The following DCC variants were observed in gnomAD, a reference collection of about 807,000 sequenced individuals.
The protein encoded by DCC is DCC netrin 1 receptor, also known as netrin receptor DCC.
DCC carries 58 observed loss-of-function variants against 172.5 expected under a neutral mutation model. That is an observed-to-expected ratio of 0.34 (90% CI 0.27 to 0.42). The LOEUF (loss-of-function observed/expected upper bound fraction) is 0.42. Ranked by LOEUF, DCC falls within the 10% of genes least tolerant of loss-of-function variation. DCC has a pLI of 1.00. For missense variants in DCC, 1,740 were observed against 1,791.0 expected (o/e 0.97, Z 0.51); for synonymous variants, 709 against 644.5 (o/e 1.10, Z -1.52).
chr18:53,470,570 C>CT (rs1335127263), intron 25 of DCC, among the ~76,000 whole-genome samples: 1 of 152,128 alleles, frequency 6.6e-6, no homozygotes, highest in African/African-American at 2.4e-5. Context: ...TTTCACACTG[C>CT]TATAAAGATA....
chr18:53,067,144 A>T (rs1009404886), intron 7 of DCC, among the ~76,000 whole-genome samples: 1 of 152,148 alleles, frequency 6.6e-6, no homozygotes, highest in Non-Finnish European at 1.5e-5. Context: ...ATCTTGAAAA[A>T]TTACTCTTTT....
At chr18:52,485,932 A>C (rs2030196862) in intron 1 of DCC, among the ~76,000 whole-genome samples, 1 of 152,136 alleles carries the variant, frequency 6.6e-6, no homozygotes, top group Non-Finnish European at 1.5e-5. Flanking sequence ...TAAAAAAAGC[A>C]TGCAGAAAAG....
At chr18:53,507,892 C>CTTT (rs780896758) in intron 27 of DCC, among the ~76,000 whole-genome samples, 8 of 130,990 alleles carry the variant, frequency 6.1e-5, no homozygotes, top group South Asian at 2.4e-4. Context: ...ACAGATACCA[C>CTTT]TTTTTTTTTT....
intron 19 of DCC, among the ~76,000 whole-genome samples, chr18:53,405,093 G>A (rs952179070): frequency 2.0e-5 from 3 of 150,262 alleles, no homozygotes; most frequent in East Asian, 2.0e-4. Context: ...CCAGAAAATA[G>A]AATGATAAAA....
chr18:52,694,648 A>C (rs2035983349), intron 1 of DCC, among the ~76,000 whole-genome samples: 1 of 152,004 alleles, frequency 6.6e-6, no homozygotes, highest in African/African-American at 2.4e-5. Flanking sequence ...CTGCAGATAA[A>C]GGGACCATGG....
chr18:53,364,191 A>T (rs1434803888), intron 15 of DCC, among the ~76,000 whole-genome samples: 1 of 152,114 alleles, frequency 6.6e-6, no homozygotes, highest in African/African-American at 2.4e-5. Context: ...TATCTGGGAG[A>T]TCATTGACAC....
chr18:52,978,053 T>C (rs1390646500), intron 5 of DCC, among the ~76,000 whole-genome samples: 2 of 130,994 alleles, frequency 1.5e-5, no homozygotes, highest in East Asian at 2.3e-4. Flanking sequence ...GTGAGGGGAG[T>C]GCAGAGAAGG....
chr18:53,462,995 G>A (rs1299119880), intron 24 of DCC, among the ~76,000 whole-genome samples: 1 of 152,250 alleles, frequency 6.6e-6, no homozygotes, highest in Non-Finnish European at 1.5e-5. Context: ...TAGACTCGGG[G>A]TAGAACAGCA....
chr18:53,152,277 C>G (rs1019992231), intron 7 of DCC, among the ~76,000 whole-genome samples: 8 of 152,088 alleles, frequency 5.3e-5, no homozygotes, highest in Admixed American at 1.3e-4. Context: ...TACCCCTTAT[C>G]TTTCATATAC....
intron 1 of DCC, among the ~76,000 whole-genome samples, chr18:52,600,962 A>G (rs1012937289): frequency 1.3e-5 from 2 of 152,172 alleles, no homozygotes; most frequent in African/African-American, 4.8e-5. Context: ...CAAGATTATG[A>G]AACAAAAGAT....
intron 5 of DCC, among the ~76,000 whole-genome samples, chr18:52,989,712 T>G (rs139224538): frequency 5.6e-4 from 86 of 152,282 alleles, no homozygotes; most frequent in African/African-American, 1.9e-3. Flanking sequence ...GCAAGTCAGG[T>G]TTCTTTTACA....
chr18:52,415,076 G>T (rs2144413037), intron 1 of DCC, among the ~76,000 whole-genome samples: 1 of 152,274 alleles, frequency 6.6e-6, no homozygotes, highest in South Asian at 2.1e-4. Context: ...GTATGACTTT[G>T]CCAGAATGGC....
chr18:53,162,298 C>CAAA (rs59626358), intron 8 of DCC, among the ~76,000 whole-genome samples: 41,779 of 113,608 alleles, frequency 0.37, 7,755 homozygotes, highest in East Asian at 0.66. Context: ...GACTCTGCCT[C>CAAA]AAAAAAAAAA....
At chr18:52,997,738 A>G (rs1329863594) in intron 5 of DCC, among the ~76,000 whole-genome samples, 2 of 152,126 alleles carry the variant, frequency 1.3e-5, no homozygotes, top group African/African-American at 4.8e-5. Flanking sequence ...GAACAATGGC[A>G]TTTATACCAA....
intron 1 of DCC, among the ~76,000 whole-genome samples, chr18:52,598,045 T>C (rs185684695): frequency 9.9e-5 from 15 of 152,278 alleles, no homozygotes; most frequent in Non-Finnish European, 1.9e-4. Flanking sequence ...CGTTGGAAAA[T>C]GTGTACACTT....
chr18:52,693,184 G>A (rs544490948), intron 1 of DCC, among the ~76,000 whole-genome samples: 1 of 2,530 alleles, frequency 4.0e-4, no homozygotes, highest in East Asian at 0.5. Flanking sequence ...ATTAGTGTGA[G>A]CTTTTATCAG....
intron 5 of DCC, among the ~76,000 whole-genome samples, chr18:52,964,822 G>A (rs916822346): frequency 6.6e-5 from 10 of 152,282 alleles, no homozygotes; most frequent in Middle Eastern, 3.4e-3. Context: ...AAATCAGCGC[G>A]TTGGCAAGGC....
At chr18:53,218,612 C>T (rs1024219500) in intron 12 of DCC, among the ~76,000 whole-genome samples, 2 of 152,052 alleles carry the variant, frequency 1.3e-5, no homozygotes, top group African/African-American at 4.8e-5. Flanking sequence ...GTACTAATGG[C>T]TTGACTTACA....
chr18:52,795,132 T>G (rs1303289892), intron 2 of DCC, among the ~76,000 whole-genome samples: 1 of 152,064 alleles, frequency 6.6e-6, no homozygotes, highest in East Asian at 1.9e-4. Context: ...ATCAGGGTAA[T>G]TCTGGCCTTG....
Sources: gnomAD v4.1 joint callset for allele counts (sites outside exome capture counted in the v4.1 genomes callset) on GRCh38, gnomAD v4.1.1 for gene constraint, MANE v1.5 for transcripts, NCBI Gene and HGNC (gene_info 2026-07-23, HGNC 2026-07-21) for gene names.